NIPBL: variants seen among roughly 807,000 people sequenced by gnomAD.
NIPBL encodes the protein NIPBL cohesin loading factor, also known as nipped-B-like protein.
In NIPBL, 19 loss-of-function variants were observed where a neutral mutation model predicts 321.8. That is an observed-to-expected ratio of 0.06 (90% CI 0.04 to 0.09). The LOEUF (loss-of-function observed/expected upper bound fraction) is 0.09. Ranked by LOEUF, NIPBL falls within the 10% of genes least tolerant of loss-of-function variation. The probability of loss-of-function intolerance (pLI) is 1.00; values close to 1 mark genes in which losing one functional copy is unlikely to be tolerated. For synonymous variants in NIPBL, 1,106 were observed against 1,114.1 expected (o/e 0.99, Z 0.14); for missense variants, 2,210 against 3,327.0 (o/e 0.66, Z 8.26).
At position 36,975,796 on chromosome 5, in the gene NIPBL, C is replaced by G. The variant is rs1743372780; in HGVS notation, c.889C>G (p.Leu297Val). Reference sequence around the variant, plus strand: ...TCTAGGCTCAAGACCACCTTTAATCCTACAATCTCAGTCTCTACCTTGTTC... The same window carrying G: ...TCTAGGCTCAAGACCACCTTTAATCGTACAATCTCAGTCTCTACCTTGTTC... ...TPKGSRPPLI[L>V]QSQSLPCSSP... Residue 297 changes from leucine to valine, a missense_variant, in exon 9 of 47, where the codon CTA (leucine) becomes GTA (valine). Physicochemically the swap from Leu to Val is conservative, Grantham distance 32. This residue lies in a region of NIPBL where 464 missense variants were observed against 529.5 expected (regional missense o/e 0.88). Coordinates refer to ENST00000282516, the MANE Select transcript of NIPBL (RefSeq NM_133433.4). 1 of 1,613,582 alleles carries G rather than the reference C, an allele frequency of 6.2e-7. No individual in the cohort carries two copies. Among genetic ancestry groups the G allele is most frequent in the Non-Finnish European group, 8.5e-7 (1 of 1,179,822 alleles).
At chr5:37,056,538 A>G (rs1261934255) in intron 42 of NIPBL, among the ~76,000 whole-genome samples, 1 of 152,228 alleles carries the variant, frequency 6.6e-6, no homozygotes, top group Non-Finnish European at 1.5e-5. Context: ...CAGTTTTTAC[A>G]GTGTGAAACT....
Position 36,904,192 on chromosome 5 carries a change from C to T in NIPBL, c.-80+27014C>T, listed in dbSNP as rs184833037. On this transcript the variant is annotated intron_variant, in intron 1 of 46. Transcript: ENST00000282516. ...TCTTAAGAATTTTTAAAAACTGGGC[C>T]GGGTGCGGTGGCTCGCGCCTCTAAT... Among the ~76,000 whole-genome samples the T allele has an allele frequency of 5.3e-5, 8 of 152,254 alleles. No homozygotes were observed. The East Asian group carries it at 7.7e-4, about 15-fold the overall frequency.
At chr5:36,928,782 G>A (rs1281837982) in intron 1 of NIPBL, among the ~76,000 whole-genome samples, 2 of 152,008 alleles carry the variant, frequency 1.3e-5, no homozygotes, top group African/African-American at 4.8e-5. Flanking sequence ...GTAGTATTTT[G>A]CATCTGGCTT....
At chr5:36,955,749 A>T (rs535474049) in intron 3 of NIPBL, 112 bp downstream of exon 3, 68 of 789,700 alleles carry the variant, frequency 8.6e-5, no homozygotes, top group Middle Eastern at 2.7e-4. Flanking sequence ...TTTATTTTTT[A>T]AAAATATCCA....
chr5:36,950,458 C>CT (rs1380642222), intron 1 of NIPBL, among the ~76,000 whole-genome samples: 2 of 152,062 alleles, frequency 1.3e-5, no homozygotes, highest in Non-Finnish European at 2.9e-5. Flanking sequence ...ATCAGCAACT[C>CT]TCAGATGGCT....
chr5:37,001,829 G>A (rs1007270607), intron 14 of NIPBL, among the ~76,000 whole-genome samples: 1 of 152,174 alleles, frequency 6.6e-6, no homozygotes, highest in Non-Finnish European at 1.5e-5. Flanking sequence ...TGCTTGCAAT[G>A]TATAGAGCTA....
At chr5:36,952,099 A>G (rs1304116679) in intron 1 of NIPBL, among the ~76,000 whole-genome samples, 1 of 147,072 alleles carries the variant, frequency 6.8e-6, no homozygotes, top group Non-Finnish European at 1.5e-5. Context: ...AGTTTAATGT[A>G]CCTTTGTGCA....
chr5:37,036,514 C>A (rs1380105110), intron 33 of NIPBL, 27 bp downstream of exon 33: 2 of 932,192 alleles, frequency 2.1e-6, no homozygotes, highest in Admixed American at 2.7e-5. Flanking sequence ...ATATATTGAT[C>A]TTTAGTTGAT....
At chr5:36,956,992 G>A (rs1741039161) in intron 3 of NIPBL, among the ~76,000 whole-genome samples, 1 of 152,000 alleles carries the variant, frequency 6.6e-6, no homozygotes, top group South Asian at 2.1e-4. Context: ...AAGATGTAAA[G>A]GAAATAGCAC....
chr5:37,033,666 A>ATG (rs1174261712), intron 32 of NIPBL, among the ~76,000 whole-genome samples: 1 of 140,396 alleles, frequency 7.1e-6, no homozygotes, highest in Non-Finnish European at 1.5e-5. Context: ...TTAATTACAT[A>ATG]TGTGTGTGTA....
chr5:37,012,115 G>A (rs1748199162), intron 21 of NIPBL, among the ~76,000 whole-genome samples: 1 of 147,390 alleles, frequency 6.8e-6, no homozygotes, highest in African/African-American at 2.5e-5. Context: ...TGAATTGACT[G>A]TTTATATCTT....
chr5:36,966,862 T>C (rs188581658), intron 6 of NIPBL, among the ~76,000 whole-genome samples: 183 of 152,154 alleles, frequency 1.2e-3, no homozygotes, highest in African/African-American at 4.2e-3. Flanking sequence ...TTTTAAGTCA[T>C]AAAATTATAA....
intron 3 of NIPBL, 81 bp from the exon 4 acceptor site, chr5:36,958,023 G>T: frequency 7.2e-7 from 1 of 1,392,690 alleles, no homozygotes; most frequent in Admixed American, 1.7e-5. Context: ...GGCCATACCA[G>T]TGTGATTTAC....
At position 37,057,312 on chromosome 5, in the gene NIPBL, C is replaced by T; in HGVS notation, c.7390C>T (p.Leu2464=). The part of the protein sequence containing the change: ...DITLSVSGSN[L]LQSFKESMVK... ...TACACTCTCAGTTTCTGGTAGTAACCTACTGCAGTCATTCAAGGAGGTAAG... is the reference window on the plus strand; with the variant it reads ...TACACTCTCAGTTTCTGGTAGTAACTTACTGCAGTCATTCAAGGAGGTAAG... The change falls in exon 43 of 47, where the codon CTA becomes TTA. Residue 2464 remains leucine (L), a synonymous_variant. Transcript: ENST00000282516. 6.2e-7 allele frequency: 1 copy of T among 1,613,692 alleles called. No individual in the cohort carries two copies. Among genetic ancestry groups the T allele is most frequent in the East Asian group, 2.2e-5 (1 of 44,860 alleles).
rs546477324 is a variant in NIPBL at position 37,030,425 on chromosome 5, CAT to C, written c.5862+3018_5862+3019del. On this transcript the variant is annotated intron_variant, in intron 32 of 46. Transcript: ENST00000282516. ...ACATAACTACTCTGAGCAATTATAA[CAT>C]ATATGCATAAATGTTAAGAAAAGCT... 2.4e-3 allele frequency among the ~76,000 whole-genome samples: 371 copies of C among 152,160 alleles called. 1 individual carries two copies. The highest frequency in any genetic ancestry group is 4.0e-3 in the Non-Finnish European group (269 of 67,986).
chr5:37,041,203 A>T (rs556030349), intron 34 of NIPBL, among the ~76,000 whole-genome samples: 21 of 129,090 alleles, frequency 1.6e-4, no homozygotes, highest in African/African-American at 6.1e-4. Flanking sequence ...CCAGGCCAGG[A>T]TGTTAAGGGA....
Position 37,060,998 on chromosome 5 carries a change from A to ATAGTAAAACAGTATCTAGATGTGAG in NIPBL, c.7850_7860+14dup, listed in dbSNP as rs751284008. On this transcript the variant is annotated frameshift_variant, in exon 45 of 47. Coordinates refer to ENST00000282516, the MANE Select transcript of NIPBL (RefSeq NM_133433.4). LOFTEE classifies it high-confidence loss of function. ...AATCACAGAAGAGGTGAAAAGGAGT[A>ATAGTAAAACAGTATCTAGATGTGAG]TAGTAAAACAGTATCTAGATGTGAG... 2 of 1,614,134 alleles carry ATAGTAAAACAGTATCTAGATGTGAG rather than the reference A, an allele frequency of 1.2e-6. No individual in the cohort carries two copies. Among genetic ancestry groups the ATAGTAAAACAGTATCTAGATGTGAG allele is most frequent in the South Asian group, 2.2e-5 (2 of 91,092 alleles).
chr5:37,053,554 C>G (rs766548172), intron 42 of NIPBL, among the ~76,000 whole-genome samples: 21 of 152,150 alleles, frequency 1.4e-4, no homozygotes, highest in Non-Finnish European at 2.1e-4. Context: ...TTGCTTTTCT[C>G]TCTCTCTCAA....
Position 36,985,268 on chromosome 5 carries a change from A to G in NIPBL, c.2088A>G (p.Thr696=). Reference sequence around the variant, plus strand: ...AAAATAATGGCAGATCAGAAACAACAAAATCAAGGCCTGAAACCCCAAAGC... The same window carrying G: ...AAAATAATGGCAGATCAGAAACAACGAAATCAAGGCCTGAAACCCCAAAGC... The part of the protein sequence containing the change: ...NKQNNGRSET[T]KSRPETPKQK... Residue 696 remains threonine (T), a synonymous_variant, in exon 10 of 47, where the codon ACA becomes ACG. Coordinates refer to ENST00000282516, the MANE Select transcript of NIPBL (RefSeq NM_133433.4). The G allele has an allele frequency of 1.2e-6, 2 of 1,613,822 alleles. No homozygotes were observed. Among genetic ancestry groups the G allele is most frequent in the Non-Finnish European group, 1.7e-6 (2 of 1,179,962 alleles).
Sources: allele counts gnomAD v4.1 joint callset (sites outside exome capture counted in the v4.1 genomes callset), GRCh38; gene constraint gnomAD v4.1.1; regional missense constraint gnomAD v4.1.1; transcripts MANE v1.5; gene names NCBI Gene and HGNC (gene_info 2026-07-23, HGNC 2026-07-21).